Variants in PMPCA observed in about 807,000 individuals in gnomAD.
The protein encoded by PMPCA is mitochondrial-processing peptidase subunit alpha.
Under a neutral mutation model 59.3 loss-of-function variants are expected in PMPCA, and 47 were observed. That is an observed-to-expected ratio of 0.79 (90% CI 0.63 to 1.01). PMPCA has a LOEUF of 1.01. Ranked by LOEUF, PMPCA falls within the 50% of genes least tolerant of loss-of-function variation. The pLI, the probability that PMPCA is intolerant of heterozygous loss-of-function variation, is 0.00. For missense variants in PMPCA, 726 were observed against 704.5 expected (o/e 1.03, Z -0.34); for synonymous variants, 338 against 290.3 (o/e 1.16, Z -1.67).
At position 136,423,560 on chromosome 9, in the gene PMPCA, G is replaced by T; in HGVS notation, c.*296G>T. 1 of 352,198 alleles carries T rather than the reference G, an allele frequency of 2.8e-6. No individual in the cohort carries two copies. Among genetic ancestry groups the T allele is most frequent in the South Asian group, 3.7e-5 (1 of 27,256 alleles). 21.8% of individuals were successfully genotyped at this position (352,198 alleles called of 1,614,324 possible). On this transcript the variant is annotated 3_prime_UTR_variant, in exon 13 of 13. Transcript: ENST00000371717. ...CCCTCCTCGGGCTGTGGGCACATGG[G>T]GCCCCGCAGGTTCCTTGGAGGAGCC...
intron 11 of PMPCA, among the ~76,000 whole-genome samples, chr9:136,421,472 C>T (rs1247405764): frequency 1.4e-5 from 2 of 141,036 alleles, no homozygotes; most frequent in Non-Finnish European, 3.0e-5. Flanking sequence ...TGCAGTGGTG[C>T]GATCTGGGCT....
In PMPCA at chr9:136,416,323, CA is replaced by C; in HGVS notation, c.566del (p.Gln189ArgfsTer7). 6.2e-7 allele frequency: 1 copy of C among 1,613,904 alleles called. No homozygotes were observed. The stretch of plus-strand genomic sequence containing the variant: ...AGTCGAGATGACGCGGATGGCGGTC[CA>C]GTTTGAGCTGGAGGACCTGAACCTG... ...EEVEMTRMAV[Q>X]FELEDLNLRP... On this transcript the variant is annotated frameshift_variant, in exon 6 of 13. Coordinates refer to ENST00000371717, the MANE Select transcript of PMPCA (RefSeq NM_015160.3). LOFTEE classifies it high-confidence loss of function.
rs7628 is a variant in PMPCA at position 136,423,619 on chromosome 9, A to G, written c.*355A>G. The G allele has an allele frequency of 0.44, 113,444 of 258,716 alleles. 26,201 individuals carry two copies. Among genetic ancestry groups the G allele is most frequent in the Admixed American group, 0.54 (11,542 of 21,302 alleles). The allele number at this position is 258,716 out of a possible 1,614,324, so 16.0% of individuals were successfully genotyped here. ...GGAGGCAGCAAAGGCTGACCTATCA[A>G]AGCCTCCCGGAGGCCACCGTGCTGG... is the stretch of plus-strand genomic sequence containing the variant. On this transcript the variant is annotated 3_prime_UTR_variant, in exon 13 of 13. Coordinates refer to ENST00000371717, the MANE Select transcript of PMPCA (RefSeq NM_015160.3).
chr9:136,418,633 A>G lies in PMPCA; in HGVS notation c.1069A>G (p.Lys357Glu), dbSNP rs201334936. The G allele has an allele frequency of 3.0e-5, 49 of 1,613,644 alleles. No homozygotes were observed. In the African/African-American group the frequency reaches 4.5e-4, roughly 15 times the overall value. Residue 357 changes from lysine to glutamate, a missense_variant, in exon 9 of 13, where the codon AAG becomes GAG. By Grantham distance (56) the Lys-to-Glu change is moderately conservative (BLOSUM62 1). Coordinates refer to ENST00000371717, the MANE Select transcript of PMPCA (RefSeq NM_015160.3). ...GGSFSAGGPG[K>E]GMFSRLYLNV... ...CTCCTTCTCGGCTGGTGGGCCCGGC[A>G]AGGGCATGTTCTCCAGGCTCTACCT...
In PMPCA at chr9:136,413,905, C is replaced by G. The variant is rs555243815; in HGVS notation, c.438-648C>G. On this transcript the variant is annotated intron_variant, in intron 4 of 12. Coordinates refer to ENST00000371717, the MANE Select transcript of PMPCA (RefSeq NM_015160.3). ...CCTGCCTCCCAAGCTCCCTCTTCTT[C>G]GTGGCTGTTGCGTCTGCTCTGCATG... Among the ~76,000 whole-genome samples the G allele has an allele frequency of 7.9e-5, 12 of 152,354 alleles. No individual in the cohort carries two copies. The East Asian group carries it at 1.9e-3, about 25-fold the overall frequency.
chr9:136,417,748 C>G, intron 7 of PMPCA, among the ~76,000 whole-genome samples: 1 of 152,024 alleles, frequency 6.6e-6, no homozygotes, highest in Non-Finnish European at 1.5e-5. Flanking sequence ...GCCACCACGC[C>G]CAGCTTATAT....
chr9:136,416,465 G>T, intron 6 of PMPCA, 74 bp downstream of exon 6: 1 of 1,053,238 alleles, frequency 9.5e-7, no homozygotes, highest in African/African-American at 1.6e-5. Flanking sequence ...GGTGGGGAGG[G>T]TGCCTCCGTG....
At chr9:136,411,062 G>A in intron 1 of PMPCA, 1 of 305,108 alleles carries the variant, frequency 3.3e-6, no homozygotes, top group East Asian at 5.0e-5. Context: ...GGCTGAGCCG[G>A]TGGGGGCCCA....
chr9:136,414,705 G>T, intron 5 of PMPCA, 58 bp downstream of exon 5: 1 of 1,104,036 alleles, frequency 9.1e-7, no homozygotes, highest in Non-Finnish European at 1.4e-6. Context: ...AGACCGGAAA[G>T]GTTTGCAGAA....
intron 12 of PMPCA, chr9:136,422,550 A>G (rs977695419): frequency 2.0e-6 from 2 of 1,013,438 alleles, no homozygotes; most frequent in Non-Finnish European, 2.4e-6. Flanking sequence ...TCTCCTTTCC[A>G]GGCCTGGAGT....
chr9:136,422,467 G>A (rs895134174), intron 12 of PMPCA: 4 of 1,051,330 alleles, frequency 3.8e-6, no homozygotes, highest in Admixed American at 5.1e-5. Flanking sequence ...CTCTTCTGGG[G>A]GACAGGCTTA....
chr9:136,417,296 C>T lies in PMPCA; in HGVS notation c.897+82C>T. On this transcript the variant is annotated intron_variant, in intron 7 of 12. Transcript: ENST00000371717. The stretch of plus-strand genomic sequence containing the variant: ...GGTGTGACCTGTTTTTGTATTGATT[C>T]TGAGGGTGATAGGTGTTGACTGCAT... 2.5e-6 allele frequency: 3 copies of T among 1,221,770 alleles called. No homozygotes were observed. In the South Asian group the frequency reaches 4.4e-5, roughly 18 times the overall value. The allele number at this position is 1,221,770 out of a possible 1,614,324, so 75.7% of individuals were successfully genotyped here. A position where few individuals can be genotyped will look rare whatever the true frequency, so the allele number is the denominator to read the frequency against.
intron 1 of PMPCA, 89 bp from the exon 2 acceptor site, chr9:136,411,908 C>A: frequency 1.3e-6 from 1 of 774,984 alleles, no homozygotes; most frequent in Non-Finnish European, 2.3e-6. Flanking sequence ...ACTTTTAACC[C>A]AGACAAAACA....
At chr9:136,416,900 G>T (rs755231322) in intron 6 of PMPCA, 51 bp from the exon 7 acceptor site, 5 of 1,547,404 alleles carry the variant, frequency 3.2e-6, no homozygotes, top group Admixed American at 3.6e-5. Flanking sequence ...GTTGGAGGAA[G>T]CCTGGTCATG....
chr9:136,422,211 C>T, intron 12 of PMPCA: 1 of 1,475,480 alleles, frequency 6.8e-7, no homozygotes, highest in Non-Finnish European at 9.1e-7. Context: ...CAGGTGACCC[C>T]ACCCTCTGCA....
intron 11 of PMPCA, among the ~76,000 whole-genome samples, chr9:136,421,404 G>GTTTTT (rs57128281): frequency 2.5e-5 from 3 of 118,006 alleles, no homozygotes; most frequent in Non-Finnish European, 3.5e-5. Context: ...CTGGGTTCCC[G>GTTTTT]TTTTTTTTTT....
chr9:136,422,868 T>C, intron 12 of PMPCA: 1 of 1,367,746 alleles, frequency 7.3e-7, no homozygotes, highest in East Asian at 2.7e-5. Context: ...TTGTCCTATA[T>C]TTTTAAGTCA....
chr9:136,412,599 C>A, intron 3 of PMPCA, 30 bp downstream of exon 3: 1 of 1,174,722 alleles, frequency 8.5e-7, no homozygotes, highest in Non-Finnish European at 1.3e-6. Context: ...ATTTTTTAGA[C>A]TATACTTTTG....
chr9:136,412,644 T>G, intron 3 of PMPCA, 75 bp downstream of exon 3: 1 of 836,136 alleles, frequency 1.2e-6, no homozygotes, highest in Non-Finnish European at 2.0e-6. Flanking sequence ...CTATAATGGT[T>G]ATTTTAATAA....
Sources: gnomAD v4.1 joint callset for allele counts (sites outside exome capture counted in the v4.1 genomes callset) on GRCh38, gnomAD v4.1.1 for gene constraint, MANE v1.5 for transcripts, NCBI Gene and HGNC (gene_info 2026-07-23, HGNC 2026-07-21) for gene names.